RFX6: variants seen among roughly 807,000 people sequenced by gnomAD.
RFX6 encodes DNA-binding protein RFX6.
A neutral mutation model predicts 110.8 loss-of-function variants in RFX6; 50 were observed. That is an observed-to-expected ratio of 0.45 (90% CI 0.36 to 0.57). The LOEUF (loss-of-function observed/expected upper bound fraction) is 0.57, where lower values mean the gene tolerates loss of function less well. RFX6 is among the 20% of genes least tolerant of loss of function. The pLI, the probability that RFX6 is intolerant of heterozygous loss-of-function variation, is 0.00. For synonymous variants in RFX6, 383 were observed against 411.2 expected (o/e 0.93, Z 0.83); for missense variants, 990 against 1,127.0 (o/e 0.88, Z 1.74).
chr6:116,911,022 G>C lies in RFX6; in HGVS notation c.760G>C (p.Gly254Arg). Reference sequence around the variant, plus strand: ...CAGCGCTCAACACCTTGTATACCAAGGATGCATTTCTAAGGACAAGGTATC... The same window carrying C: ...CAGCGCTCAACACCTTGTATACCAACGATGCATTTCTAAGGACAAGGTATC... ...FPSAQHLVYQ[G>R]CISKDKVDTL... The change falls in exon 7 of 19, where the codon GGA (glycine) becomes CGA (arginine). Residue 254 changes from glycine (G) to arginine (R), a missense_variant. By Grantham distance (125) the Gly-to-Arg change is moderately radical. This residue lies in a region of RFX6 where 243 missense variants were observed against 353.1 expected (regional missense o/e 0.69). Coordinates refer to ENST00000332958, the MANE Select transcript of RFX6 (RefSeq NM_173560.4). The C allele has an allele frequency of 6.2e-7, 1 of 1,610,170 alleles. No homozygotes were observed. The highest frequency in any genetic ancestry group is 8.5e-7 in the Non-Finnish European group (1 of 1,176,544).
chr6:116,917,395 T>C (rs1044802104), intron 9 of RFX6, among the ~76,000 whole-genome samples: 1 of 151,804 alleles, frequency 6.6e-6, no homozygotes, highest in Non-Finnish European at 1.5e-5. Context: ...AAAAACAGTT[T>C]AATTTGCATT....
chr6:116,904,948 G>A (rs778073800), intron 6 of RFX6, among the ~76,000 whole-genome samples: 3 of 152,160 alleles, frequency 2.0e-5, no homozygotes, highest in Non-Finnish European at 4.4e-5. Context: ...TTGCTTCCAC[G>A]TTTAAGCTAC....
At chr6:116,910,196 GA>G (rs200372895) in intron 6 of RFX6, among the ~76,000 whole-genome samples, 2,458 of 152,196 alleles carry the variant, frequency 0.016, 27 homozygotes, top group Non-Finnish European at 0.026. Flanking sequence ...TGGGGAGGAG[GA>G]ACAATCAGTT....
In RFX6 at chr6:116,928,657, T is replaced by G. The variant is rs955158320; in HGVS notation, c.2399-102T>G. On this transcript the variant is annotated intron_variant, in intron 17 of 18. Coordinates refer to ENST00000332958, the MANE Select transcript of RFX6 (RefSeq NM_173560.4). ...TAGATACACATGTAATACTTACAGT[T>G]TGATATCTTTAGGACGTCACCTCAT... 19 of 788,268 alleles carry G rather than the reference T, an allele frequency of 2.4e-5. No individual in the cohort carries two copies. In the Middle Eastern group the frequency reaches 6.7e-4, roughly 28 times the overall value. The allele number at this position is 788,268 out of a possible 1,614,324, so 48.8% of individuals were successfully genotyped here.
chr6:116,903,876 AAAC>A (rs1184486566), intron 6 of RFX6, among the ~76,000 whole-genome samples: 2 of 151,968 alleles, frequency 1.3e-5, no homozygotes, highest in Non-Finnish European at 2.9e-5. Context: ...TTTGCCTGAA[AAAC>A]AATATTGACG....
In RFX6 at chr6:116,889,573, T is replaced by C. The variant is rs138006338; in HGVS notation, c.567-4414T>C. ...AAACTATGATTAAGAAATGAGGACC[T>C]GATGGAAGAAGGGTATTCCCAATGG... On this transcript the variant is annotated intron_variant, in intron 4 of 18. Coordinates refer to ENST00000332958, the MANE Select transcript of RFX6 (RefSeq NM_173560.4). 3.2e-3 allele frequency among the ~76,000 whole-genome samples: 481 copies of C among 152,146 alleles called. 1 individual carries two copies. Among genetic ancestry groups the C allele is most frequent in the African/African-American group, 0.011 (468 of 41,522 alleles).
chr6:116,899,708 A>C (rs1775025287), intron 6 of RFX6, among the ~76,000 whole-genome samples: 1 of 152,184 alleles, frequency 6.6e-6, no homozygotes, highest in Non-Finnish European at 1.5e-5. Flanking sequence ...TAAACAATTA[A>C]ATATAAAAAT....
intron 2 of RFX6, among the ~76,000 whole-genome samples, chr6:116,879,282 A>T (rs1291469308): frequency 1.3e-5 from 2 of 151,968 alleles, no homozygotes; most frequent in Non-Finnish European, 2.9e-5. Flanking sequence ...AATGCCGACT[A>T]CAACAGTATC....
intron 7 of RFX6, among the ~76,000 whole-genome samples, chr6:116,915,379 T>C (rs938917583): frequency 6.6e-6 from 1 of 152,226 alleles, no homozygotes; most frequent in African/African-American, 2.4e-5. Context: ...TGTCACATCC[T>C]ATTTTATTTG....
chr6:116,920,587 A>T lies in RFX6; in HGVS notation c.1327+133A>T, dbSNP rs532320494. The T allele has an allele frequency of 0.025, 18,970 of 770,004 alleles. 680 individuals carry two copies. The highest frequency in any genetic ancestry group is 0.13 in the African/African-American group (7,464 of 58,224). The allele number at this position is 770,004 out of a possible 1,614,324, so 47.7% of individuals were successfully genotyped here. On this transcript the variant is annotated intron_variant, in intron 12 of 18. Coordinates refer to ENST00000332958, the MANE Select transcript of RFX6 (RefSeq NM_173560.4). The stretch of plus-strand genomic sequence containing the variant: ...TTAGCAGCATCCTTGACCTTTACCC[A>T]TTAGATGACAGTAGCAGCCTCCCCC...
In RFX6 at chr6:116,880,587, C is replaced by T. The variant is rs1300421713; in HGVS notation, c.424C>T (p.Arg142Trp). The change falls in exon 3 of 19, where the codon CGG becomes TGG. Residue 142 changes from arginine to tryptophan, a missense_variant. Physicochemically the swap from Arg to Trp is moderately radical, Grantham distance 101 (BLOSUM62 -3). This residue lies in a region of RFX6 where 243 missense variants were observed against 353.1 expected (regional missense o/e 0.69). Coordinates refer to ENST00000332958, the MANE Select transcript of RFX6 (RefSeq NM_173560.4). Reference protein sequence around the residue: ...YIVCEGVCLPRCILYAHYLDF... With the variant: ...YIVCEGVCLPWCILYAHYLDF... Reference sequence around the variant, plus strand: ...TGTATGTGAAGGAGTTTGCTTACCACGGTGCATTCTTTATGCACACTACTT... The same window carrying T: ...TGTATGTGAAGGAGTTTGCTTACCATGGTGCATTCTTTATGCACACTACTT... The T allele has an allele frequency of 3.7e-6, 6 of 1,612,628 alleles. No individual in the cohort carries two copies. The highest frequency in any genetic ancestry group is 5.1e-6 in the Non-Finnish European group (6 of 1,178,832).
Position 116,925,442 on chromosome 6 carries a change from ACT to A in RFX6, c.1679-8_1679-7del, listed in dbSNP as rs752303190. 19 of 1,610,642 alleles carry A rather than the reference ACT, an allele frequency of 1.2e-5. No homozygotes were observed. Among genetic ancestry groups the A allele is most frequent in the Admixed American group, 1.7e-5 (1 of 59,976 alleles). On this transcript the variant is annotated splice_polypyrimidine_tract_variant and intron_variant, in intron 15 of 18. Transcript: ENST00000332958. ...AAATCTCAAATTTCCCATTTTAAAA[ACT>A]CTTTCCAGATGCGAGTAAAGCTGCT...
At chr6:116,920,581 T>C (rs1775573223) in intron 12 of RFX6, 127 bp downstream of exon 12, 2 of 808,670 alleles carry the variant, frequency 2.5e-6, no homozygotes, top group East Asian at 2.5e-5. Context: ...TCCTTGACCT[T>C]TACCCATTAG....
chr6:116,909,611 TTAAA>T lies in RFX6; in HGVS notation c.673-1320_673-1317del, dbSNP rs571536858. On this transcript the variant is annotated intron_variant, in intron 6 of 18. Transcript: ENST00000332958. ...CTATTATATCAGTTTATGATAATTA[TTAAA>T]TAATAGTTATTAATTAAAAAATTAA... 3.4e-4 allele frequency among the ~76,000 whole-genome samples: 47 copies of T among 138,892 alleles called. 1 individual carries two copies. Among genetic ancestry groups the T allele is most frequent in the African/African-American group, 1.1e-3 (45 of 40,180 alleles). 91.1% of individuals were successfully genotyped at this position (138,892 alleles called of 152,430 possible). A position where few individuals can be genotyped will look rare whatever the true frequency, so the allele number is the denominator to read the frequency against.
intron 4 of RFX6, among the ~76,000 whole-genome samples, chr6:116,883,964 T>C (rs533188226): frequency 6.6e-6 from 1 of 152,276 alleles, no homozygotes; most frequent in East Asian, 1.9e-4. Context: ...CAACTTGACA[T>C]TCAAGGTCCA....
At chr6:116,919,111 C>G (rs2114695995) in intron 10 of RFX6, 26 bp from the exon 11 acceptor site, 2 of 1,599,854 alleles carry the variant, frequency 1.3e-6, no homozygotes, top group South Asian at 2.2e-5. Context: ...AACAATGAAG[C>G]ATTTAACACA....
At chr6:116,909,707 A>G (rs1284112943) in intron 6 of RFX6, among the ~76,000 whole-genome samples, 1 of 124,896 alleles carries the variant, frequency 8.0e-6, no homozygotes, top group South Asian at 2.6e-4. Context: ...AATTTCTACT[A>G]TATTTTAAAT....
chr6:116,920,902 A>G (rs1775581122), intron 12 of RFX6, among the ~76,000 whole-genome samples: 1 of 152,216 alleles, frequency 6.6e-6, no homozygotes, highest in Non-Finnish European at 1.5e-5. Context: ...CATTACATGT[A>G]TAGAAATTTA....
At chr6:116,901,775 C>T (rs1248614303) in intron 6 of RFX6, among the ~76,000 whole-genome samples, 1 of 151,964 alleles carries the variant, frequency 6.6e-6, no homozygotes, top group East Asian at 1.9e-4. Flanking sequence ...ACCAAAGGAA[C>T]TCTCAAATAG....
Sources: allele counts gnomAD v4.1 joint callset (sites outside exome capture counted in the v4.1 genomes callset), GRCh38; gene constraint gnomAD v4.1.1; regional missense constraint gnomAD v4.1.1; transcripts MANE v1.5; gene names NCBI Gene and HGNC (gene_info 2026-07-23, HGNC 2026-07-21).